KIAA0319L: variants seen among roughly 807,000 people sequenced by gnomAD.
KIAA0319L encodes dyslexia-associated protein KIAA0319-like protein.
Under a neutral mutation model 120.1 loss-of-function variants are expected in KIAA0319L, and 55 were observed. That is an observed-to-expected ratio of 0.46 (90% CI 0.37 to 0.57). The LOEUF is 0.57. KIAA0319L is among the 20% of genes least tolerant of loss of function. The probability of loss-of-function intolerance (pLI) is 0.00; values close to 1 mark genes in which losing one functional copy is unlikely to be tolerated. For synonymous variants in KIAA0319L, 398 were observed against 471.9 expected, an observed-to-expected ratio of 0.84 and a Z score of 2.03; for missense variants, 1,049 against 1,255.3, an observed-to-expected ratio of 0.84 and a Z score of 2.48.
chr1:35,454,523 A>G (rs916326992), intron 10 of KIAA0319L, 38 bp from the exon 11 acceptor site: 1 of 1,608,750 alleles, frequency 6.2e-7, no homozygotes, highest in Non-Finnish European at 8.5e-7. Flanking sequence ...AGTGGACTCC[A>G]GGAATCACAT....
At chr1:35,442,463 G>GT in intron 18 of KIAA0319L, 127 bp from the exon 19 acceptor site, 1 of 743,274 alleles carries the variant, frequency 1.3e-6, no homozygotes, top group South Asian at 1.5e-5. Context: ...CCCCAGGAAG[G>GT]TAAGACCTTG....
At chr1:35,492,879 C>G (rs935335146) in intron 3 of KIAA0319L, among the ~76,000 whole-genome samples, 1 of 152,146 alleles carries the variant, frequency 6.6e-6, no homozygotes, top group South Asian at 2.1e-4. Flanking sequence ...GTATTGGAGG[C>G]CTGGCATGGC....
rs747399610 is a variant in KIAA0319L, at chr1:35,474,919, TA to T, written c.914-14del. The T allele has an allele frequency of 1.1e-4, 159 of 1,384,978 alleles. No homozygotes were observed. The highest frequency in any genetic ancestry group is 1.6e-4 in the Non-Finnish European group (155 of 974,922). 85.8% of individuals were successfully genotyped at this position (1,384,978 alleles called of 1,614,324 possible). A position where few individuals can be genotyped will look rare whatever the true frequency, so the allele number is the denominator to read the frequency against. On this transcript the variant is annotated splice_polypyrimidine_tract_variant and intron_variant, in intron 4 of 20. Coordinates refer to ENST00000325722, the MANE Select transcript of KIAA0319L (RefSeq NM_024874.5). ...AGTTCCTTTATAACTGGAAACAAAG[TA>T]AATATACCAGAGATAAGAAATAGAT...
chr1:35,504,746 G>A (rs1290809136), intron 3 of KIAA0319L, among the ~76,000 whole-genome samples: 2 of 152,014 alleles, frequency 1.3e-5, no homozygotes, highest in East Asian at 3.8e-4. Context: ...TCACCACATA[G>A]CCACTATCTG....
intron 4 of KIAA0319L, among the ~76,000 whole-genome samples, chr1:35,478,765 C>T (rs868007239): frequency 1.1e-4 from 17 of 152,276 alleles, no homozygotes; most frequent in Middle Eastern, 3.4e-3. Context: ...AAATTAGCCT[C>T]GTAAATTTCC....
At chr1:35,468,154 TC>T (rs1263409592) in intron 6 of KIAA0319L, among the ~76,000 whole-genome samples, 1 of 152,062 alleles carries the variant, frequency 6.6e-6, no homozygotes, top group Non-Finnish European at 1.5e-5. Context: ...TTTTTTTTTT[TC>T]TTTCTTTCTT....
chr1:35,489,623 G>A (rs1321380938), intron 3 of KIAA0319L, among the ~76,000 whole-genome samples: 1 of 151,910 alleles, frequency 6.6e-6, no homozygotes, highest in Non-Finnish European at 1.5e-5. Flanking sequence ...AGAAACTACA[G>A]AGGGTCAGGG....
chr1:35,443,913 AAAC>A, intron 17 of KIAA0319L: 1 of 341,310 alleles, frequency 2.9e-6, no homozygotes, highest in Non-Finnish European at 5.3e-6. Flanking sequence ...AGGTTAGTGA[AAAC>A]AAAGATGTAA....
intron 2 of KIAA0319L, among the ~76,000 whole-genome samples, chr1:35,550,113 T>C (rs1395986613): frequency 6.6e-6 from 1 of 152,228 alleles, no homozygotes; most frequent in Non-Finnish European, 1.5e-5. Context: ...GACCATCTTT[T>C]ATCAAATTGT....
intron 2 of KIAA0319L, among the ~76,000 whole-genome samples, chr1:35,516,732 G>A (rs953575872): frequency 3.3e-5 from 5 of 152,104 alleles, no homozygotes; most frequent in African/African-American, 1.2e-4. Flanking sequence ...AAGAAATAAA[G>A]GGCATTCAAA....
intron 2 of KIAA0319L, among the ~76,000 whole-genome samples, chr1:35,553,710 T>TGAAAGAAA (rs35935761): frequency 8.7e-5 from 13 of 149,078 alleles, no homozygotes; most frequent in Non-Finnish European, 1.5e-4. Flanking sequence ...CAAAAGAACT[T>TGAAAGAAA]GAAAGAAAGA....
intron 3 of KIAA0319L, among the ~76,000 whole-genome samples, chr1:35,496,925 C>T (rs1054073938): frequency 3.5e-5 from 4 of 114,998 alleles, no homozygotes; most frequent in Admixed American, 1.3e-4. Flanking sequence ...CCAGCCTGAG[C>T]AACAGAGTGA....
chr1:35,462,775 G>A, intron 7 of KIAA0319L, 62 bp from the exon 8 acceptor site: 1 of 1,240,794 alleles, frequency 8.1e-7, no homozygotes, highest in Non-Finnish European at 1.2e-6. Context: ...GGAGCAGGCT[G>A]TATCTGAGAG....
intron 20 of KIAA0319L, among the ~76,000 whole-genome samples, chr1:35,436,571 C>A (rs1640806830): frequency 1.3e-5 from 2 of 152,186 alleles, no homozygotes; most frequent in South Asian, 2.1e-4. Flanking sequence ...CTTCCCAAAG[C>A]CCCTCTGGCT....
chr1:35,471,331 ACTT>A (rs1392324190), intron 5 of KIAA0319L, among the ~76,000 whole-genome samples: 1 of 152,196 alleles, frequency 6.6e-6, no homozygotes, highest in African/African-American at 2.4e-5. Context: ...TTCTTGCAAA[ACTT>A]CTTTTGCAAC....
intron 2 of KIAA0319L, among the ~76,000 whole-genome samples, chr1:35,511,790 T>C (rs891981420): frequency 2.6e-5 from 4 of 152,282 alleles, no homozygotes; most frequent in South Asian, 2.1e-4. Context: ...AGTATGGAAA[T>C]AGTTGCTGCA....
intron 3 of KIAA0319L, among the ~76,000 whole-genome samples, chr1:35,504,617 T>G (rs1328959121): frequency 1.3e-5 from 2 of 152,234 alleles, no homozygotes; most frequent in Admixed American, 1.3e-4. Context: ...AGGCTTTTAG[T>G]AGCTACATTC....
rs759300585 is a variant in KIAA0319L at position 35,456,006 on chromosome 1, C to T, written c.1656+7G>A. 1.9e-6 allele frequency: 3 copies of T among 1,603,778 alleles called. No homozygotes were observed. Among genetic ancestry groups the T allele is most frequent in the Non-Finnish European group, 2.6e-6 (3 of 1,172,212 alleles). ...GGCAAGAAAAAATAGGAACCATTCCCTCCTACCTGCATCTCCACCACTTTC... is the reference window on the plus strand; with the variant it reads ...GGCAAGAAAAAATAGGAACCATTCCTTCCTACCTGCATCTCCACCACTTTC... On this transcript the variant is annotated splice_region_variant and intron_variant, in intron 10 of 20. Transcript: ENST00000325722.
chr1:35,458,849 A>G (rs1299108742), intron 9 of KIAA0319L, among the ~76,000 whole-genome samples: 2 of 152,204 alleles, frequency 1.3e-5, no homozygotes, highest in African/African-American at 4.8e-5. Context: ...TCTAAGGTGA[A>G]AACCAGCTCA....
Sources: gnomAD v4.1 joint callset for allele counts (sites outside exome capture counted in the v4.1 genomes callset) on GRCh38, gnomAD v4.1.1 for gene constraint, MANE v1.5 for transcripts, NCBI Gene and HGNC (gene_info 2026-07-23, HGNC 2026-07-21) for gene names.